TMEM217: variants seen among roughly 807,000 people sequenced by gnomAD.
TMEM217 encodes transmembrane protein 217.
For missense variants in TMEM217, 204 were observed against 248.8 expected, an observed-to-expected ratio of 0.82 and a Z score of 1.21; for synonymous variants, 76 against 88.3, an observed-to-expected ratio of 0.86 and a Z score of 0.78.
downstream of TMEM217, chr6:37,215,155 C>T: frequency 6.2e-7 from 1 of 1,604,220 alleles, no homozygotes; most frequent in Non-Finnish European, 8.5e-7. Flanking sequence ...CTTTCTGCCG[C>T]TAGCCAAGGT....
chr6:37,224,039 C>T (rs1380870372), intron 1 of TMEM217, among the ~76,000 whole-genome samples: 10 of 151,166 alleles, frequency 6.6e-5, no homozygotes, highest in Non-Finnish European at 1.3e-4. Flanking sequence ...TGGGTTCAAG[C>T]GATTCTCCTG....
intron 1 of TMEM217, among the ~76,000 whole-genome samples, chr6:37,229,500 G>A (rs1038428299): frequency 1.5e-4 from 23 of 151,768 alleles, no homozygotes; most frequent in Middle Eastern, 3.4e-3. Flanking sequence ...CCGCCACCAC[G>A]CCCGGCTAAT....
At chr6:37,228,516 C>A (rs1321465633) in intron 1 of TMEM217, among the ~76,000 whole-genome samples, 1 of 152,106 alleles carries the variant, frequency 6.6e-6, no homozygotes, top group East Asian at 1.9e-4. Flanking sequence ...CCAGCCTGAC[C>A]AATATGGTGA....
At chr6:37,227,410 G>A (rs1337812080) in intron 1 of TMEM217, among the ~76,000 whole-genome samples, 2 of 152,094 alleles carry the variant, frequency 1.3e-5, no homozygotes, top group Middle Eastern at 6.8e-3. Flanking sequence ...AAACTTCCAA[G>A]TGTGTACTCT....
intron 1 of TMEM217, among the ~76,000 whole-genome samples, chr6:37,252,402 A>G (rs573783474): frequency 6.6e-6 from 1 of 152,106 alleles, no homozygotes; most frequent in East Asian, 1.9e-4. Flanking sequence ...AAGCCTAAAA[A>G]TATCTACAAT....
At chr6:37,231,671 CAA>C (rs1216609836) in intron 1 of TMEM217, among the ~76,000 whole-genome samples, 3 of 60,382 alleles carry the variant, frequency 5.0e-5, no homozygotes, top group Admixed American at 2.0e-4. Flanking sequence ...GACTCCATCT[CAA>C]AAAAAAAAAA....
intron 1 of TMEM217, among the ~76,000 whole-genome samples, chr6:37,234,552 A>T (rs1433907504): frequency 6.6e-6 from 1 of 152,094 alleles, no homozygotes; most frequent in African/African-American, 2.4e-5. Context: ...GAGGAATGGC[A>T]GTGAGTGTGT....
intron 1 of TMEM217, among the ~76,000 whole-genome samples, chr6:37,221,466 G>C (rs1273815274): frequency 6.6e-6 from 1 of 151,958 alleles, no homozygotes; most frequent in African/African-American, 2.4e-5. Flanking sequence ...GGATTACAGG[G>C]GTGAGCCACC....
At position 37,226,281 on chromosome 6, in the gene TMEM217, CTTTTTTTTTTTTT is replaced by C. The variant is rs755752365; in HGVS notation, c.-11-7253_-11-7241del. 1.2e-3 allele frequency among the ~76,000 whole-genome samples: 87 copies of C among 74,892 alleles called. 1 individual carries two copies. The South Asian group carries it at 0.017, about 15-fold the overall frequency. 49.1% of individuals were successfully genotyped at this position (74,892 alleles called of 152,430 possible). On this transcript the variant is annotated intron_variant, in intron 1 of 1. Coordinates refer to ENST00000357219, the Ensembl canonical transcript of TMEM217. ...TTTTATTTTGTTTTTTTGAGACAGT[CTTTTTTTTTTTTT>C]TTTTTTTTTTTTTTTTGAGACAGAG...
At chr6:37,257,833 G>C in exon 1 of TMEM217, 1 of 1,495,454 alleles carries the variant, frequency 6.7e-7, no homozygotes, top group Non-Finnish European at 9.1e-7. Flanking sequence ...AAGCGGCCTG[G>C]GTTGGCCCTC....
At chr6:37,215,446 G>T (rs569842270), downstream of TMEM217, among the ~76,000 whole-genome samples, 8 of 151,582 alleles carry the variant, frequency 5.3e-5, no homozygotes, top group African/African-American at 1.7e-4. Context: ...ATGGTGGCAC[G>T]CGCCAACTAC....
At chr6:37,248,340 T>G (rs1765211024) in intron 1 of TMEM217, among the ~76,000 whole-genome samples, 1 of 152,232 alleles carries the variant, frequency 6.6e-6, no homozygotes, top group African/African-American at 2.4e-5. Context: ...AATTAATTTC[T>G]ATCTACAGTG....
At chr6:37,218,141 T>G in exon 2 of TMEM217, 1 of 1,100,976 alleles carries the variant, frequency 9.1e-7, no homozygotes, top group Non-Finnish European at 1.1e-6. Context: ...CCAACATGAT[T>G]GCTTATAGTG....
At chr6:37,217,004 GTTA>G (rs1763239152), downstream of TMEM217, among the ~76,000 whole-genome samples, 1 of 152,128 alleles carries the variant, frequency 6.6e-6, no homozygotes, top group Non-Finnish European at 1.5e-5. Context: ...AAATTACTCA[GTTA>G]TTATAGCAGC....
At chr6:37,225,381 A>AG (rs1763767042) in intron 1 of TMEM217, among the ~76,000 whole-genome samples, 1 of 152,136 alleles carries the variant, frequency 6.6e-6, no homozygotes, top group Non-Finnish European at 1.5e-5. Context: ...TTTAAAAAAA[A>AG]CAAGCTAGTA....
At chr6:37,235,307 G>A (rs1157148882) in intron 1 of TMEM217, among the ~76,000 whole-genome samples, 1 of 152,128 alleles carries the variant, frequency 6.6e-6, no homozygotes, top group African/African-American at 2.4e-5. Context: ...GACCATTTAT[G>A]CTGCTATAAC....
rs144621547 is a variant in TMEM217 at position 37,238,141 on chromosome 6, G to A, written c.-11-19100C>T. 3.4e-3 allele frequency among the ~76,000 whole-genome samples: 498 copies of A among 146,162 alleles called. 4 individuals are homozygous for A. Among genetic ancestry groups the A allele is most frequent in the African/African-American group, 0.011 (434 of 39,552 alleles). On this transcript the variant is annotated intron_variant, in intron 1 of 1. Coordinates refer to ENST00000357219, the Ensembl canonical transcript of TMEM217. ...GGGATTATGATCAATCTAATTGTAT[G>A]TATATAAAGTAGAATTAAAAACACT...
At chr6:37,236,447 G>A (rs1178927326) in intron 1 of TMEM217, among the ~76,000 whole-genome samples, 2 of 152,110 alleles carry the variant, frequency 1.3e-5, no homozygotes, top group African/African-American at 4.8e-5. Context: ...TCAATCCTGG[G>A]GTGGGAGAGT....
At chr6:37,223,178 A>G (rs1452337968) in intron 1 of TMEM217, among the ~76,000 whole-genome samples, 1 of 152,202 alleles carries the variant, frequency 6.6e-6, no homozygotes, top group Non-Finnish European at 1.5e-5. Flanking sequence ...GAGAGATGAG[A>G]CAAAATGGGG....
Sources: gnomAD v4.1 joint callset for allele counts (sites outside exome capture counted in the v4.1 genomes callset) on GRCh38, gnomAD v4.1.1 for gene constraint, MANE v1.5 for transcripts, NCBI Gene and HGNC (gene_info 2026-07-23, HGNC 2026-07-21) for gene names.